MAPK10: variants seen among roughly 807,000 people sequenced by gnomAD.
MAPK10 encodes the protein JNK3 alpha protein kinase.
MAPK10 carries 25 observed loss-of-function variants against 59.3 expected under a neutral mutation model. The ratio of observed to expected loss-of-function variants is 0.42; its 90% CI spans 0.31 to 0.59. The LOEUF is 0.59. Ranked by LOEUF, MAPK10 falls within the 20% of genes least tolerant of loss-of-function variation. The pLI is 0.15. For synonymous variants in MAPK10, 190 were observed against 200.5 expected (o/e 0.95, Z 0.44); for missense variants, 351 against 568.9 (o/e 0.62, Z 3.90).
intron 2 of MAPK10, among the ~76,000 whole-genome samples, chr4:86,299,570 G>A (rs565972685): frequency 9.2e-5 from 14 of 152,246 alleles, no homozygotes; most frequent in African/African-American, 3.4e-4. Flanking sequence ...TAAACTGTGA[G>A]AAATAAATTT....
rs112628926 is a variant in MAPK10, at chr4:86,065,358, A to G, written c.986-968T>C. 233 of 152,370 alleles carry G rather than the reference A, an allele frequency of 1.5e-3. 2 individuals carry two copies. The highest frequency in any genetic ancestry group is 6.8e-3 in the Middle Eastern group (2 of 294). 9.4% of individuals were successfully genotyped at this position (152,370 alleles called of 1,614,324 possible). On this transcript the variant is annotated intron_variant, in intron 10 of 13. Transcript: ENST00000641462. ...TGACTTGATGAAATCCAGTAGTTAA[A>G]GACTGAAGCCAGTCTAATGCTACAC... is the stretch of plus-strand genomic sequence containing the variant.
chr4:86,539,173 T>A (rs1758481986), intron 1 of MAPK10, among the ~76,000 whole-genome samples: 1 of 152,080 alleles, frequency 6.6e-6, no homozygotes, highest in African/African-American at 2.4e-5. Flanking sequence ...ACAGGATCTG[T>A]CATTCAGATT....
chr4:86,380,875 AC>A (rs1198799073), intron 1 of MAPK10, among the ~76,000 whole-genome samples: 3 of 150,952 alleles, frequency 2.0e-5, no homozygotes, highest in African/African-American at 7.3e-5. Flanking sequence ...AAAAAAAAAA[AC>A]ACTGGATCTA....
chr4:86,158,392 T>C (rs2068489787), intron 4 of MAPK10, among the ~76,000 whole-genome samples: 1 of 151,900 alleles, frequency 6.6e-6, no homozygotes, highest in South Asian at 2.1e-4. Context: ...TGGCTAAGTT[T>C]ATGGTGATTT....
At chr4:86,472,756 AGGCAG>A (rs961080210) in intron 1 of MAPK10, among the ~76,000 whole-genome samples, 21 of 152,328 alleles carry the variant, frequency 1.4e-4, no homozygotes, top group Admixed American at 1.0e-3. Flanking sequence ...TAGGGTCTGG[AGGCAG>A]GGGAACATAA....
At chr4:86,433,555 C>CTTCTTTTTT (rs1424833074) in intron 1 of MAPK10, among the ~76,000 whole-genome samples, 1 of 97,600 alleles carries the variant, frequency 1.0e-5, no homozygotes, top group African/African-American at 4.0e-5. Context: ...GGGCCTTCTT[C>CTTCTTTTTT]TTTTTTTTTT....
Position 86,525,817 on chromosome 4 carries a change from T to C in MAPK10, c.-263+68093A>G, listed in dbSNP as rs180884274. ...AGCAAAACGTAAGACAATATAGGAA[T>C]AGCTGTTTCAAAGTTTCAAAATTAC... is the stretch of plus-strand genomic sequence containing the variant. On this transcript the variant is annotated intron_variant, in intron 1 of 4. Coordinates refer to the MAPK10 transcript ENST00000502302. 4.5e-4 allele frequency among the ~76,000 whole-genome samples: 68 copies of C among 152,326 alleles called. 1 individual carries two copies. In the East Asian group the frequency reaches 0.012, roughly 26 times the overall value.
At chr4:86,433,475 G>C (rs1318760713) in intron 1 of MAPK10, among the ~76,000 whole-genome samples, 3 of 150,998 alleles carry the variant, frequency 2.0e-5, no homozygotes, top group African/African-American at 7.3e-5. Flanking sequence ...TTTCAACTGA[G>C]ATCACATTCT....
At chr4:86,471,669 T>G (rs1052636145) in intron 1 of MAPK10, among the ~76,000 whole-genome samples, 8 of 152,228 alleles carry the variant, frequency 5.3e-5, no homozygotes, top group Admixed American at 5.2e-4. Flanking sequence ...ATGAAGTACA[T>G]TTGCAAGCAT....
chr4:86,583,514 G>A (rs1248882490), intron 1 of MAPK10, among the ~76,000 whole-genome samples: 7 of 152,098 alleles, frequency 4.6e-5, no homozygotes, highest in African/African-American at 1.7e-4. Flanking sequence ...TTAAAAAAAC[G>A]CAGTTTTCCA....
At chr4:86,505,971 T>C (rs1755707471) in intron 1 of MAPK10, among the ~76,000 whole-genome samples, 1 of 152,172 alleles carries the variant, frequency 6.6e-6, no homozygotes, top group African/African-American at 2.4e-5. Flanking sequence ...AACTCCTTAA[T>C]GTAAAACATG....
chr4:86,022,494 T>G lies in MAPK10; in HGVS notation c.1253-5124A>C, dbSNP rs1747739511. 2.0e-5 allele frequency among the ~76,000 whole-genome samples: 3 copies of G among 150,604 alleles called. No homozygotes were observed. The South Asian group carries it at 6.2e-4, about 31-fold the overall frequency. On this transcript the variant is annotated intron_variant, in intron 13 of 13. Transcript: ENST00000641462. ...CTCTTTAGCTCTTTCTTCCTTTCTT[T>G]CTTGCTTTCTTTCTTCTTTATTTCT...
At chr4:86,488,020 AGAG>A (rs1448231221) in intron 1 of MAPK10, among the ~76,000 whole-genome samples, 2 of 152,132 alleles carry the variant, frequency 1.3e-5, no homozygotes, top group African/African-American at 4.8e-5. Flanking sequence ...AGAGGACAGC[AGAG>A]GAGAAGAGAG....
intron 2 of MAPK10, among the ~76,000 whole-genome samples, chr4:86,314,843 T>C (rs987955491): frequency 6.6e-6 from 1 of 152,158 alleles, no homozygotes; most frequent in South Asian, 2.1e-4. Flanking sequence ...AAGATCATAT[T>C]ACACACACAA....
chr4:86,314,204 G>A (rs2095729652), intron 2 of MAPK10, among the ~76,000 whole-genome samples: 1 of 152,156 alleles, frequency 6.6e-6, no homozygotes, highest in South Asian at 2.1e-4. Flanking sequence ...AGGCCCAAAG[G>A]AGCCTTCCAG....
intron 1 of MAPK10, among the ~76,000 whole-genome samples, chr4:86,463,581 G>T (rs2149062433): frequency 6.6e-6 from 1 of 152,228 alleles, no homozygotes; most frequent in Admixed American, 6.5e-5. Flanking sequence ...ACAAAATTCA[G>T]ACTGCTACTC....
chr4:86,270,790 G>A (rs1354623604), intron 2 of MAPK10, among the ~76,000 whole-genome samples: 3 of 151,970 alleles, frequency 2.0e-5, no homozygotes, highest in Non-Finnish European at 4.4e-5. Flanking sequence ...ACTTTTTTGT[G>A]CCTGGCTGAT....
intron 4 of MAPK10, among the ~76,000 whole-genome samples, chr4:86,156,818 C>T (rs2067922349): frequency 6.6e-6 from 1 of 151,978 alleles, no homozygotes; most frequent in African/African-American, 2.4e-5. Flanking sequence ...GAATGAGTTG[C>T]TCTTCTGGAT....
chr4:86,452,341 A>G (rs929535338), intron 1 of MAPK10, among the ~76,000 whole-genome samples: 1 of 152,218 alleles, frequency 6.6e-6, no homozygotes, highest in Admixed American at 6.5e-5. Context: ...GGTATTAGAC[A>G]TTTGGGTTAC....
Sources: gnomAD v4.1 joint callset for allele counts (sites outside exome capture counted in the v4.1 genomes callset) on GRCh38, gnomAD v4.1.1 for gene constraint, MANE v1.5 for transcripts, NCBI Gene and HGNC (gene_info 2026-07-23, HGNC 2026-07-21) for gene names.